TBC1D22A: variants seen among roughly 807,000 people sequenced by gnomAD.
TBC1D22A encodes the protein putative GTPase activator.
Under a neutral mutation model 60.2 loss-of-function variants are expected in TBC1D22A, and 38 were observed. The observed-to-expected ratio is 0.63, with a 90% CI of 0.49 to 0.83. The LOEUF is 0.83. Ranked by LOEUF, TBC1D22A falls within the 40% of genes least tolerant of loss-of-function variation. TBC1D22A has a pLI of 0.00. For missense variants in TBC1D22A, 628 were observed against 701.0 expected (o/e 0.90, Z 1.18); for synonymous variants, 302 against 281.7 (o/e 1.07, Z -0.72).
intron 9 of TBC1D22A, among the ~76,000 whole-genome samples, chr22:46,981,824 A>G (rs1212079279): frequency 6.6e-6 from 1 of 152,222 alleles, no homozygotes; most frequent in African/African-American, 2.4e-5. Context: ...GCAGATAAGA[A>G]TTAGGAAGAT....
chr22:46,923,649 T>C (rs1016074246), intron 8 of TBC1D22A, among the ~76,000 whole-genome samples: 3 of 152,266 alleles, frequency 2.0e-5, no homozygotes, highest in African/African-American at 7.2e-5. Context: ...GTCCTGTGTA[T>C]GGCCACCAGG....
chr22:47,073,473 A>T (rs1344190811), intron 11 of TBC1D22A, among the ~76,000 whole-genome samples: 1 of 152,202 alleles, frequency 6.6e-6, no homozygotes, highest in Non-Finnish European at 1.5e-5. Flanking sequence ...CCTTCCACAG[A>T]GCTCTGCCAG....
intron 4 of TBC1D22A, among the ~76,000 whole-genome samples, chr22:46,856,230 G>A (rs2087564092): frequency 6.6e-6 from 1 of 152,210 alleles, no homozygotes; most frequent in Non-Finnish European, 1.5e-5. Context: ...CCTCTGCGTG[G>A]CTGCCCCATT....
At chr22:47,013,481 G>A (rs112858108) in intron 10 of TBC1D22A, among the ~76,000 whole-genome samples, 4,479 of 152,254 alleles carry the variant, frequency 0.029, 106 homozygotes, top group South Asian at 0.087. Context: ...AATATAGGCC[G>A]TCAGACTGGT....
At chr22:46,913,257 A>C (rs1455020918) in intron 8 of TBC1D22A, 7 of 1,123,210 alleles carry the variant, frequency 6.2e-6, no homozygotes, top group Non-Finnish European at 8.5e-6. Context: ...ACAGCATTTT[A>C]ATTTAAACCT....
In TBC1D22A at chr22:46,964,902, C is replaced by T. The variant is rs565370833; in HGVS notation, c.1016-9388C>T. 5.9e-5 allele frequency among the ~76,000 whole-genome samples: 9 copies of T among 152,352 alleles called. No homozygotes were observed. The South Asian group carries it at 1.2e-3, about 21-fold the overall frequency. On this transcript the variant is annotated intron_variant, in intron 8 of 12. Coordinates refer to ENST00000337137, the MANE Select transcript of TBC1D22A (RefSeq NM_014346.5). ...AGAATTGCGACAGGGGCCACAGCCA[C>T]GCTGGGCACTGGTGAGCTGCACGCC...
At chr22:46,873,298 T>C (rs754784449) in intron 4 of TBC1D22A, among the ~76,000 whole-genome samples, 2 of 152,132 alleles carry the variant, frequency 1.3e-5, no homozygotes, top group African/African-American at 2.4e-5. Context: ...TCTTCAATGC[T>C]CAACATCATT....
At chr22:46,823,078 A>G (rs953772077) in intron 4 of TBC1D22A, among the ~76,000 whole-genome samples, 28 of 152,180 alleles carry the variant, frequency 1.8e-4, no homozygotes, top group Admixed American at 1.3e-4. Flanking sequence ...CGGCTGCATC[A>G]GGCTTCTGGG....
intron 4 of TBC1D22A, among the ~76,000 whole-genome samples, chr22:46,871,063 G>A (rs1332230677): frequency 5.3e-5 from 8 of 152,166 alleles, no homozygotes; most frequent in African/African-American, 1.7e-4. Flanking sequence ...ACAAGAAAAC[G>A]AATTTGCTTA....
chr22:46,984,081 G>C (rs1002491196), intron 9 of TBC1D22A, among the ~76,000 whole-genome samples: 1 of 151,898 alleles, frequency 6.6e-6, no homozygotes, highest in Non-Finnish European at 1.5e-5. Context: ...GAAGTTCCAG[G>C]CTGGGCTGGG....
chr22:47,087,172 C>T (rs1368632067), intron 11 of TBC1D22A, among the ~76,000 whole-genome samples: 2 of 152,214 alleles, frequency 1.3e-5, no homozygotes, highest in African/African-American at 4.8e-5. Context: ...CGCATGCACA[C>T]AAACTTTCCT....
At chr22:46,764,352 G>T (rs2083212673) in intron 1 of TBC1D22A, 1 of 152,206 alleles carries the variant, frequency 6.6e-6, no homozygotes, top group Non-Finnish European at 1.5e-5. Flanking sequence ...AAATGCTGTA[G>T]AACATAAGAG....
intron 4 of TBC1D22A, among the ~76,000 whole-genome samples, chr22:46,831,433 G>GCACAAGC (rs1190737105): frequency 6.6e-6 from 1 of 152,170 alleles, no homozygotes; most frequent in African/African-American, 2.4e-5. Flanking sequence ...CGGACTCGGA[G>GCACAAGC]CACAAGCACG....
intron 11 of TBC1D22A, among the ~76,000 whole-genome samples, chr22:47,104,762 A>C (rs903865027): frequency 1.3e-5 from 2 of 152,036 alleles, no homozygotes; most frequent in Non-Finnish European, 1.5e-5. Flanking sequence ...CAGCCACTAT[A>C]AGACTTCAAA....
chr22:47,031,704 A>G (rs530802313), intron 10 of TBC1D22A, among the ~76,000 whole-genome samples: 1 of 152,158 alleles, frequency 6.6e-6, no homozygotes, highest in South Asian at 2.1e-4. Flanking sequence ...GCACCTTTGG[A>G]CAGGTCCCCT....
intron 11 of TBC1D22A, among the ~76,000 whole-genome samples, chr22:47,068,134 C>T (rs2063841684): frequency 6.6e-6 from 1 of 152,244 alleles, no homozygotes; most frequent in Non-Finnish European, 1.5e-5. Context: ...GGCTTGTTTT[C>T]TTCTTTGGCA....
rs533697336 is a variant in TBC1D22A at position 46,844,466 on chromosome 22, A to T, written c.638-34187A>T. Among the ~76,000 whole-genome samples, 6 of 152,340 alleles carry T rather than the reference A, an allele frequency of 3.9e-5. No individual in the cohort carries two copies. In the East Asian group the frequency reaches 9.6e-4, roughly 24 times the overall value. On this transcript the variant is annotated intron_variant, in intron 4 of 12. Transcript: ENST00000337137. ...TGTGCCAGGCAGTGTAGCCACCAGC[A>T]TAAAGCTAGTGACTGAGTGTGTGCC...
In TBC1D22A at chr22:47,157,500, C is replaced by T. The variant is rs73889442; in HGVS notation, c.1426-15998C>T. On this transcript the variant is annotated intron_variant, in intron 12 of 12. Coordinates refer to ENST00000337137, the MANE Select transcript of TBC1D22A (RefSeq NM_014346.5). ...TGCTGTAGGTGTCCTTGCCGCTGCACGGGCCAGGATGTGGTTCTCCCACCT... is the reference window on the plus strand; with the variant it reads ...TGCTGTAGGTGTCCTTGCCGCTGCATGGGCCAGGATGTGGTTCTCCCACCT... Among the ~76,000 whole-genome samples, 1,305 of 152,318 alleles carry T rather than the reference C, an allele frequency of 8.6e-3. 20 individuals carry two copies. The highest frequency in any genetic ancestry group is 0.03 in the African/African-American group (1,241 of 41,570).
chr22:47,128,699 C>T (rs1378722330), intron 12 of TBC1D22A, among the ~76,000 whole-genome samples: 1 of 152,108 alleles, frequency 6.6e-6, no homozygotes, highest in African/African-American at 2.4e-5. Context: ...GAAAGAGCAG[C>T]TGGAACCCAA....
Sources: allele counts gnomAD v4.1 joint callset (sites outside exome capture counted in the v4.1 genomes callset), GRCh38; gene constraint gnomAD v4.1.1; transcripts MANE v1.5; gene names NCBI Gene and HGNC (gene_info 2026-07-23, HGNC 2026-07-21).